Variants in KCNAB1 observed in about 807,000 individuals in gnomAD.
KCNAB1 encodes the protein potassium voltage-gated channel subfamily A regulatory beta subunit 1.
In KCNAB1, 35 loss-of-function variants were observed where a neutral mutation model predicts 64.6. The ratio of observed to expected loss-of-function variants is 0.54; its 90% confidence interval spans 0.41 to 0.72. The LOEUF (loss-of-function observed/expected upper bound fraction) is 0.72. KCNAB1 is among the 30% of genes least tolerant of loss of function. The pLI is 0.00. For missense variants in KCNAB1, 401 were observed against 512.9 expected, an observed-to-expected ratio of 0.78 and a Z score of 2.11; for synonymous variants, 177 against 183.8, an observed-to-expected ratio of 0.96 and a Z score of 0.30.
intron 1 of KCNAB1, among the ~76,000 whole-genome samples, chr3:156,182,518 A>G (rs1196443111): frequency 6.6e-6 from 1 of 151,940 alleles, no homozygotes; most frequent in Non-Finnish European, 1.5e-5. Flanking sequence ...ACTTTTCCTC[A>G]GGTGGACACT....
chr3:156,355,611 G>A (rs1725179785), intron 1 of KCNAB1, among the ~76,000 whole-genome samples: 1 of 152,040 alleles, frequency 6.6e-6, no homozygotes, highest in African/African-American at 2.4e-5. Context: ...TCAAAAGTTA[G>A]AATTGTTTTG....
chr3:156,353,928 G>A (rs905716204), intron 1 of KCNAB1, among the ~76,000 whole-genome samples: 1 of 151,884 alleles, frequency 6.6e-6, no homozygotes, highest in South Asian at 2.1e-4. Flanking sequence ...TAAACAAATT[G>A]CACTGCAGAA....
At chr3:156,530,081 G>A (rs1468121482) in intron 12 of KCNAB1, among the ~76,000 whole-genome samples, 2 of 152,210 alleles carry the variant, frequency 1.3e-5, no homozygotes, top group Non-Finnish European at 2.9e-5. Context: ...GGGGAAGAAG[G>A]TTGGGGCAGT....
rs56406473 is a variant in KCNAB1, at chr3:156,450,647, G to T, written c.320-2252G>T. ...GTCTGTAAAAAGGTTTTGATACCCA[G>T]GCAATTTTTTCGCTTAATAAAGAAC... On this transcript the variant is annotated intron_variant, in intron 2 of 13. Transcript: ENST00000490337. 3.0e-3 allele frequency among the ~76,000 whole-genome samples: 463 copies of T among 152,180 alleles called. 3 individuals are homozygous for T. Among genetic ancestry groups the T allele is most frequent in the African/African-American group, 9.9e-3 (413 of 41,518 alleles).
chr3:156,139,987 C>G (rs1431282412), intron 1 of KCNAB1, among the ~76,000 whole-genome samples: 1 of 152,164 alleles, frequency 6.6e-6, no homozygotes, highest in African/African-American at 2.4e-5. Context: ...ATAACTGATT[C>G]ACTTTGTAAA....
At chr3:156,288,656 C>T (rs1410070654) in intron 1 of KCNAB1, among the ~76,000 whole-genome samples, 2 of 152,174 alleles carry the variant, frequency 1.3e-5, no homozygotes, top group African/African-American at 2.4e-5. Flanking sequence ...CATGTGGTAT[C>T]AGATCTGAAA....
intron 8 of KCNAB1, among the ~76,000 whole-genome samples, chr3:156,480,020 A>C (rs1311721968): frequency 1.3e-5 from 2 of 152,276 alleles, no homozygotes; most frequent in East Asian, 3.9e-4. Context: ...GAAAGCAAAA[A>C]ACATTGCAGT....
downstream of KCNAB1, chr3:156,538,940 TATA>T (rs1257914901): frequency 1.3e-5 from 2 of 152,212 alleles, no homozygotes; most frequent in Non-Finnish European, 2.9e-5. Context: ...CAAAACCAAA[TATA>T]AATATTATGG....
At chr3:156,300,594 C>T (rs1721087106) in intron 1 of KCNAB1, among the ~76,000 whole-genome samples, 1 of 152,026 alleles carries the variant, frequency 6.6e-6, no homozygotes, top group Non-Finnish European at 1.5e-5. Context: ...GTCTGCATGC[C>T]CTGGTCATGC....
chr3:156,461,940 G>A (rs1712945432), intron 5 of KCNAB1, among the ~76,000 whole-genome samples: 1 of 152,194 alleles, frequency 6.6e-6, no homozygotes, highest in Non-Finnish European at 1.5e-5. Flanking sequence ...GTTTCAACTA[G>A]CACACTTGAC....
At position 156,189,510 on chromosome 3, in the gene KCNAB1, G is replaced by A. The variant is rs189634829; in HGVS notation, c.275+68624G>A. Among the ~76,000 whole-genome samples the A allele has an allele frequency of 1.8e-4, 27 of 152,336 alleles. No homozygotes were observed. The East Asian group carries it at 5.0e-3, about 28-fold the overall frequency. On this transcript the variant is annotated intron_variant, in intron 1 of 13. Transcript: ENST00000490337. ...TTGCCAAACCCAGTGTTTCATTAAA[G>A]GGGTGTTGGGGGACAGGGTGCCAGG...
chr3:156,397,848 T>C (rs1014133092), intron 1 of KCNAB1, among the ~76,000 whole-genome samples: 4 of 152,144 alleles, frequency 2.6e-5, no homozygotes, highest in Non-Finnish European at 5.9e-5. Context: ...CAACTAATAA[T>C]TGATTGTTTA....
intron 2 of KCNAB1, among the ~76,000 whole-genome samples, chr3:156,443,628 C>T (rs1333722259): frequency 6.6e-6 from 1 of 152,134 alleles, no homozygotes; most frequent in African/African-American, 2.4e-5. Context: ...AATGGATCTA[C>T]ATGGTGGAGG....
chr3:156,329,937 A>G (rs1013727229), intron 1 of KCNAB1, among the ~76,000 whole-genome samples: 2 of 152,172 alleles, frequency 1.3e-5, no homozygotes, highest in Non-Finnish European at 2.9e-5. Context: ...GTTTATAATC[A>G]ACCCCACGGA....
intron 1 of KCNAB1, among the ~76,000 whole-genome samples, chr3:156,284,070 T>C (rs532352960): frequency 1.3e-5 from 2 of 152,308 alleles, no homozygotes; most frequent in Non-Finnish European, 2.9e-5. Flanking sequence ...AGTTTTTCTG[T>C]TCTGTTTTTT....
rs1189157129 is a variant in KCNAB1, at chr3:156,452,117, GGGAAA to G, written c.320-777_320-773del. Among the ~76,000 whole-genome samples the G allele has an allele frequency of 2.6e-5, 4 of 152,228 alleles. No individual in the cohort carries two copies. The highest frequency in any genetic ancestry group is 4.4e-5 in the Non-Finnish European group (3 of 68,042). The stretch of plus-strand genomic sequence containing the variant: ...AAGAATTCATTCCCTCCTTTAGGAA[GGGAAA>G]GGAAGGGAATAAATCCTCCTTTTAG... On this transcript the variant is annotated intron_variant, in intron 2 of 13. Coordinates refer to ENST00000490337, the MANE Select transcript of KCNAB1 (RefSeq NM_172160.3). The surrounding 1 kb of genome is among the most constrained non-coding windows in gnomAD (Gnocchi z 4.6).
intron 1 of KCNAB1, among the ~76,000 whole-genome samples, chr3:156,208,788 A>C (rs1001586913): frequency 2.6e-5 from 4 of 152,168 alleles, no homozygotes; most frequent in African/African-American, 4.8e-5. Context: ...CATTCTTACT[A>C]TGTGGGCACA....
chr3:156,467,085 C>A (rs913327640), intron 7 of KCNAB1, among the ~76,000 whole-genome samples: 7 of 152,184 alleles, frequency 4.6e-5, no homozygotes, highest in African/African-American at 1.7e-4. Context: ...AAAACACTTA[C>A]ATTGCCCTAC....
Position 156,537,116 on chromosome 3 carries a change from G to C in KCNAB1, c.*369G>C. The C allele has an allele frequency of 2.5e-6, 1 of 401,736 alleles. No homozygotes were observed. The highest frequency in any genetic ancestry group is 3.5e-5 in the East Asian group (1 of 28,224). The allele number at this position is 401,736 out of a possible 1,614,324, so 24.9% of individuals were successfully genotyped here. On this transcript the variant is annotated 3_prime_UTR_variant, in exon 14 of 14. Coordinates refer to ENST00000490337, the MANE Select transcript of KCNAB1 (RefSeq NM_172160.3). The stretch of plus-strand genomic sequence containing the variant: ...TTTCAAAAGAACAAAATCCACAGAT[G>C]CAATGTGAGTTGCGTAAGAAACAGA...
Sources: allele counts gnomAD v4.1 joint callset (sites outside exome capture counted in the v4.1 genomes callset), GRCh38; gene constraint gnomAD v4.1.1; non-coding constraint Gnocchi (gnomAD v3.1); transcripts MANE v1.5; gene names NCBI Gene and HGNC (gene_info 2026-07-23, HGNC 2026-07-21).